The following FABP5 variants were observed in gnomAD, a reference collection of about 807,000 sequenced individuals.
The protein encoded by FABP5 is fatty acid binding protein 5.
Under a neutral mutation model 16.9 loss-of-function variants are expected in FABP5, and 7 were observed. That is an observed-to-expected ratio of 0.41 (90% CI 0.24 to 0.78). FABP5 has a LOEUF of 0.78. Among genes scored for constraint, FABP5 ranks in the 30% least tolerant of loss-of-function variants. The pLI, the probability that FABP5 is intolerant of heterozygous loss-of-function variation, is 0.30. For missense variants in FABP5, 119 were observed against 159.5 expected, an observed-to-expected ratio of 0.75 and a Z score of 1.37; for synonymous variants, 37 against 52.8, an observed-to-expected ratio of 0.70 and a Z score of 1.30.
chr8:81,283,585 G>A, intron 2 of FABP5, 47 bp downstream of exon 2: 1 of 1,525,058 alleles, frequency 6.6e-7, no homozygotes, highest in Non-Finnish European at 8.9e-7. Context: ...TAGAATGATA[G>A]GCTGTATCAA....
At position 81,283,395 on chromosome 8, in the gene FABP5, G is replaced by T. The variant is rs372989580; in HGVS notation, c.109G>T (p.Ala37Ser). 8.1e-6 allele frequency: 13 copies of T among 1,596,554 alleles called. No individual in the cohort carries two copies. Among genetic ancestry groups the T allele is most frequent in the South Asian group, 1.1e-5 (1 of 87,302 alleles). The change falls in exon 2 of 4, where the codon GCA (alanine) becomes TCA (serine). Residue 37 changes from alanine (A) to serine (S), a missense_variant. Coordinates refer to ENST00000297258, the MANE Select transcript of FABP5 (RefSeq NM_001444.3). ...GGGAATAGCTTTGCGAAAAATGGGC[G>T]CAATGGCCAAGCCAGATTGTATCAT... ...GVGIALRKMG[A>S]MAKPDCIITC...
At chr8:81,283,798 G>T (rs1156884170) in intron 2 of FABP5, 75 bp from the exon 3 acceptor site, 8 of 1,203,032 alleles carry the variant, frequency 6.6e-6, no homozygotes, top group Non-Finnish European at 9.5e-6. Flanking sequence ...AACAAATGTT[G>T]ATTAAGGAGG....
Position 81,281,206 on chromosome 8 carries a change from C to A in FABP5, c.79+532C>A. On this transcript the variant is annotated intron_variant, in intron 1 of 3. Transcript: ENST00000297258. The surrounding 1 kb of genome is among the most constrained non-coding windows in gnomAD (Gnocchi z 4.5). ...CGCGCAGGTCACCCTCCGTTTTCTT[C>A]ATGGGGACGCGGTGCTGGCGCGCAG... 1 of 402,182 alleles carries A rather than the reference C, an allele frequency of 2.5e-6. No homozygotes were observed. 24.9% of individuals were successfully genotyped at this position (402,182 alleles called of 1,614,324 possible). A position where few individuals can be genotyped will look rare whatever the true frequency, so the allele number is the denominator to read the frequency against.
At position 81,281,384 on chromosome 8, in the gene FABP5, G is replaced by A. The variant is rs1166205272; in HGVS notation, c.79+710G>A. On this transcript the variant is annotated intron_variant, in intron 1 of 3. Transcript: ENST00000297258. The surrounding 1 kb of genome is among the most constrained non-coding windows in gnomAD (Gnocchi z 4.5). ...TACCCCATGGAACACCAGGGCCCCCGAGAAGCGTGGCGCTGGCGGTGCCGA... is the reference window on the plus strand; with the variant it reads ...TACCCCATGGAACACCAGGGCCCCCAAGAAGCGTGGCGCTGGCGGTGCCGA... The A allele has an allele frequency of 3.0e-6, 3 of 985,724 alleles. No individual in the cohort carries two copies. Among genetic ancestry groups the A allele is most frequent in the South Asian group, 4.7e-5 (1 of 21,262 alleles). The allele number at this position is 985,724 out of a possible 1,614,324, so 61.1% of individuals were successfully genotyped here.
Position 81,280,645 on chromosome 8 carries a change from A to C in FABP5, c.50A>C (p.Lys17Thr). 1 of 1,560,254 alleles carries C rather than the reference A, an allele frequency of 6.4e-7. No homozygotes were observed. The highest frequency in any genetic ancestry group is 8.7e-7 in the Non-Finnish European group (1 of 1,151,262). Residue 17 changes from lysine (K) to threonine (T), a missense_variant, in exon 1 of 4, where the codon AAA becomes ACA. Lys to Thr is a moderately conservative substitution (Grantham distance 78). Transcript: ENST00000297258. ...LEGRWRLVDSKGFDEYMKELG... is the reference protein window; with the variant it reads ...LEGRWRLVDSTGFDEYMKELG... ...GGAAGATGGCGCCTGGTGGACAGCA[A>C]AGGCTTTGATGAATACATGAAGGAG... is the stretch of plus-strand genomic sequence containing the variant.
chr8:81,283,319 G>A, intron 1 of FABP5, 47 bp from the exon 2 acceptor site: 1 of 1,447,508 alleles, frequency 6.9e-7, no homozygotes, highest in Non-Finnish European at 9.4e-7. Flanking sequence ...TCATGTAAAT[G>A]ATAACTTTGG....
In FABP5 at chr8:81,283,420, T is replaced by A; in HGVS notation, c.134T>A (p.Ile45Asn). The change falls in exon 2 of 4, where the codon ATC becomes AAC. Residue 45 changes from isoleucine (I) to asparagine (N), a missense_variant. Physicochemically the swap from Ile to Asn is moderately radical, Grantham distance 149 (BLOSUM62 -3). Coordinates refer to ENST00000297258, the MANE Select transcript of FABP5 (RefSeq NM_001444.3). ...GCAATGGCCAAGCCAGATTGTATCA[T>A]CACTTGTGATGGTAAAAACCTCACC... ...MGAMAKPDCIITCDGKNLTIK... is the reference protein window; with the variant it reads ...MGAMAKPDCINTCDGKNLTIK... 3 of 1,611,916 alleles carry A rather than the reference T, an allele frequency of 1.9e-6. No individual in the cohort carries two copies. Among genetic ancestry groups the A allele is most frequent in the Non-Finnish European group, 2.5e-6 (3 of 1,179,124 alleles).
At chr8:81,284,053 A>G in intron 3 of FABP5, 79 bp downstream of exon 3, 6 of 1,071,254 alleles carry the variant, frequency 5.6e-6, no homozygotes, top group Non-Finnish European at 8.2e-6. Context: ...ATCATTGATC[A>G]TTAACAGAAC....
rs749705596 is a variant in FABP5, at chr8:81,283,959, T to C, written c.339T>C (p.Asp113=). The change falls in exon 3 of 4, where the codon GAT becomes GAC. Residue 113 remains aspartate, a synonymous_variant. Transcript: ENST00000297258. The part of the protein sequence containing the change: ...KESTITRKLK[D]GKLVVECVMN... ...GCACAATAACAAGAAAATTGAAAGA[T>C]GGGAAATTAGTGGTGGTAAGTGTCA... The C allele has an allele frequency of 1.2e-6, 2 of 1,608,082 alleles. No homozygotes were observed. Among genetic ancestry groups the C allele is most frequent in the East Asian group, 4.5e-5 (2 of 44,672 alleles).
chr8:81,283,908 G>C lies in FABP5; in HGVS notation c.288G>C (p.Gln96His). The C allele has an allele frequency of 1.9e-6, 3 of 1,612,836 alleles. No homozygotes were observed. Among genetic ancestry groups the C allele is most frequent in the Non-Finnish European group, 2.5e-6 (3 of 1,179,350 alleles). ...ACTTTACAGATGGTGCATTGGTTCA[G>C]CATCAGGAGTGGGATGGGAAGGAAA... is the stretch of plus-strand genomic sequence containing the variant. ...VCNFTDGALV[Q>H]HQEWDGKEST... The change falls in exon 3 of 4, where the codon CAG becomes CAC. Residue 96 changes from glutamine to histidine, a missense_variant. Transcript: ENST00000297258.
Position 81,281,363 on chromosome 8 carries a change from C to A in FABP5, c.79+689C>A, listed in dbSNP as rs180914102. ...GAGCCGAACCCTTTGGATTGGTACC[C>A]CATGGAACACCAGGGCCCCCGAGAA... On this transcript the variant is annotated intron_variant, in intron 1 of 3. Coordinates refer to ENST00000297258, the MANE Select transcript of FABP5 (RefSeq NM_001444.3). This position sits in a 1 kb window ranked among gnomAD's most constrained non-coding sequence, Gnocchi z 4.5. 8.1e-6 allele frequency: 8 copies of A among 985,610 alleles called. No homozygotes were observed. Among genetic ancestry groups the A allele is most frequent in the Non-Finnish European group, 9.6e-6 (8 of 830,114 alleles). 61.1% of individuals were successfully genotyped at this position (985,610 alleles called of 1,614,324 possible).
chr8:81,283,762 A>T (rs1346742095), intron 2 of FABP5, 111 bp from the exon 3 acceptor site: 1 of 1,005,614 alleles, frequency 9.9e-7, no homozygotes, highest in Non-Finnish European at 1.5e-6. Flanking sequence ...TGGGTTAATG[A>T]AGTAGACTCA....
chr8:81,283,993 T>G lies in FABP5; in HGVS notation c.354+19T>G. Reference sequence around the variant, plus strand: ...AGTGGTGGTAAGTGTCAAACTGCTGTGTCTCAGTCAGCTTCTTGTGTGCAT... The same window carrying G: ...AGTGGTGGTAAGTGTCAAACTGCTGGGTCTCAGTCAGCTTCTTGTGTGCAT... On this transcript the variant is annotated intron_variant, in intron 3 of 3. Coordinates refer to ENST00000297258, the MANE Select transcript of FABP5 (RefSeq NM_001444.3). 6.4e-7 allele frequency: 1 copy of G among 1,551,178 alleles called. No individual in the cohort carries two copies. The highest frequency in any genetic ancestry group is 8.8e-7 in the Non-Finnish European group (1 of 1,134,060).
rs1807829132 is a variant in FABP5 at position 81,281,401 on chromosome 8, C to T, written c.79+727C>T. 1 of 985,608 alleles carries T rather than the reference C, an allele frequency of 1.0e-6. No individual in the cohort carries two copies. Among genetic ancestry groups the T allele is most frequent in the Non-Finnish European group, 1.2e-6 (1 of 830,358 alleles). 61.1% of individuals were successfully genotyped at this position (985,608 alleles called of 1,614,324 possible). A position where few individuals can be genotyped will look rare whatever the true frequency, so the allele number is the denominator to read the frequency against. On this transcript the variant is annotated intron_variant, in intron 1 of 3. Transcript: ENST00000297258. This position sits in a 1 kb window ranked among gnomAD's most constrained non-coding sequence, Gnocchi z 4.5. ...GGGCCCCCGAGAAGCGTGGCGCTGG[C>T]GGTGCCGACCTGCTGCTGGCACTGC...
intron 1 of FABP5, 30 bp from the exon 2 acceptor site, chr8:81,283,336 T>C (rs1231208811): frequency 2.6e-6 from 4 of 1,538,576 alleles, no homozygotes; most frequent in East Asian, 2.3e-5. Flanking sequence ...TTGGTCTTCC[T>C]GTTATTTAAC....
rs759815025 is a variant in FABP5 at position 81,283,557 on chromosome 8, T to C, written c.252+19T>C. 1.9e-6 allele frequency: 3 copies of C among 1,598,618 alleles called. No homozygotes were observed. Among genetic ancestry groups the C allele is most frequent in the South Asian group, 1.1e-5 (1 of 87,952 alleles). On this transcript the variant is annotated intron_variant, in intron 2 of 3. Coordinates refer to ENST00000297258, the MANE Select transcript of FABP5 (RefSeq NM_001444.3). The stretch of plus-strand genomic sequence containing the variant: ...AACTCAGGTCAGTCGTGACATGTTA[T>C]GAAATCACAGAAGCTTCTAGAATGA...
chr8:81,283,904 T>G lies in FABP5; in HGVS notation c.284T>G (p.Val95Gly). The G allele has an allele frequency of 1.9e-6, 3 of 1,612,924 alleles. No homozygotes were observed. Among genetic ancestry groups the G allele is most frequent in the Non-Finnish European group, 2.5e-6 (3 of 1,179,360 alleles). ...TVCNFTDGAL[V>G]QHQEWDGKES... is the part of the protein sequence containing the mutation. The stretch of plus-strand genomic sequence containing the variant: ...TGCAACTTTACAGATGGTGCATTGG[T>G]TCAGCATCAGGAGTGGGATGGGAAG... Residue 95 changes from valine (V) to glycine (G), a missense_variant, in exon 3 of 4, where the codon GTT becomes GGT. Physicochemically the swap from Val to Gly is moderately radical, Grantham distance 109 (BLOSUM62 -3). Transcript: ENST00000297258.
chr8:81,280,791 T>G (rs1209470716), intron 1 of FABP5, 117 bp downstream of exon 1: 1 of 869,454 alleles, frequency 1.2e-6, no homozygotes, highest in Non-Finnish European at 1.8e-6. Context: ...CCTACCCCCA[T>G]CCCCTCCCAT....
chr8:81,283,899 A>G lies in FABP5; in HGVS notation c.279A>G (p.Ala93=), dbSNP rs431905489. The change falls in exon 3 of 4, where the codon GCA becomes GCG. Residue 93 remains alanine (A), a synonymous_variant. Transcript: ENST00000297258. ...CTGTCTGCAACTTTACAGATGGTGCATTGGTTCAGCATCAGGAGTGGGATG... is the reference window on the plus strand; with the variant it reads ...CTGTCTGCAACTTTACAGATGGTGCGTTGGTTCAGCATCAGGAGTGGGATG... ...TQTVCNFTDG[A]LVQHQEWDGK... The G allele has an allele frequency of 6.2e-7, 1 of 1,612,798 alleles. No homozygotes were observed. The highest frequency in any genetic ancestry group is 8.5e-7 in the Non-Finnish European group (1 of 1,179,280).
Sources: gnomAD v4.1 joint callset for allele counts on GRCh38, gnomAD v4.1.1 for gene constraint, Gnocchi (gnomAD v3.1) non-coding constraint, MANE v1.5 for transcripts, NCBI Gene and HGNC (gene_info 2026-07-23, HGNC 2026-07-21) for gene names.